Variants in FAM53B observed in about 807,000 individuals in gnomAD.
FAM53B encodes the protein family with sequence similarity 53 member B, also known as protein FAM53B.
Under a neutral mutation model 32.7 loss-of-function variants are expected in FAM53B, and 12 were observed. The ratio of observed to expected loss-of-function variants is 0.37; its 90% confidence interval spans 0.24 to 0.59. The LOEUF (loss-of-function observed/expected upper bound fraction) is 0.59, where lower values mean the gene tolerates loss of function less well. FAM53B is among the 20% of genes least tolerant of loss of function. FAM53B has a pLI of 0.72. For missense variants in FAM53B, 477 were observed against 577.7 expected, an observed-to-expected ratio of 0.83 and a Z score of 1.79; for synonymous variants, 234 against 228.7, an observed-to-expected ratio of 1.02 and a Z score of -0.21.
intron 3 of FAM53B, among the ~76,000 whole-genome samples, chr10:124,690,252 C>T (rs1176908735): frequency 6.6e-6 from 1 of 152,242 alleles, no homozygotes; most frequent in Non-Finnish European, 1.5e-5. Flanking sequence ...CATGAATGTG[C>T]ATCCCAAGCA....
intron 2 of FAM53B, among the ~76,000 whole-genome samples, chr10:124,702,228 C>A (rs1202365381): frequency 6.6e-6 from 1 of 152,236 alleles, no homozygotes; most frequent in Non-Finnish European, 1.5e-5. Flanking sequence ...AAATCTTAAA[C>A]CTCCACTTGT....
chr10:124,623,519 C>T lies in FAM53B; in HGVS notation c.992G>A (p.Ser331Asn). Residue 331 changes from serine to asparagine, a missense_variant, in exon 5 of 5, where the codon AGC becomes AAC. Physicochemically the swap from Ser to Asn is conservative, Grantham distance 46. Coordinates refer to ENST00000337318, the MANE Select transcript of FAM53B (RefSeq NM_014661.4). ...GPQSPFARHV[S>N]NTRAWTALLS... ...CAGGGCGGTCCAGGCCCTGGTGTTG[C>T]TGACGTGGCGGGCGAAGGGGCTCTG... The T allele has an allele frequency of 6.3e-7, 1 of 1,595,156 alleles. No homozygotes were observed.
intron 4 of FAM53B, among the ~76,000 whole-genome samples, chr10:124,659,245 G>A (rs909134383): frequency 2.6e-5 from 4 of 152,342 alleles, no homozygotes; most frequent in Admixed American, 6.5e-5. Flanking sequence ...TTTCAGCCAT[G>A]ATAGGCCTAA....
At chr10:124,695,263 C>T (rs769588164) in intron 3 of FAM53B, among the ~76,000 whole-genome samples, 3 of 152,184 alleles carry the variant, frequency 2.0e-5, no homozygotes, top group African/African-American at 4.8e-5. Flanking sequence ...TCCGGCAAGA[C>T]GTCCCCAAAG....
At chr10:124,688,724 T>G (rs1949816462) in intron 3 of FAM53B, among the ~76,000 whole-genome samples, 1 of 152,208 alleles carries the variant, frequency 6.6e-6, no homozygotes, top group African/African-American at 2.4e-5. Flanking sequence ...AAGACTGCTG[T>G]GTGCACAGAT....
intron 4 of FAM53B, among the ~76,000 whole-genome samples, chr10:124,662,892 G>T (rs1949643739): frequency 6.6e-6 from 1 of 152,156 alleles, no homozygotes; most frequent in Non-Finnish European, 1.5e-5. Flanking sequence ...AACCAGACAG[G>T]TACAGGCCCT....
intron 4 of FAM53B, among the ~76,000 whole-genome samples, chr10:124,634,430 C>T (rs1257325246): frequency 1.3e-5 from 2 of 152,178 alleles, no homozygotes; most frequent in Admixed American, 6.5e-5. Flanking sequence ...CCCCACGTTT[C>T]GTGGGAGGGA....
intron 4 of FAM53B, chr10:124,667,102 A>T: frequency 2.4e-6 from 1 of 411,294 alleles, no homozygotes; most frequent in Non-Finnish European, 4.4e-6. Flanking sequence ...TCACTGAATG[A>T]TGGAGCAGTG....
chr10:124,727,137 G>A (rs774762287), intron 1 of FAM53B, among the ~76,000 whole-genome samples: 2 of 152,104 alleles, frequency 1.3e-5, no homozygotes, highest in African/African-American at 2.4e-5. Context: ...TCCCGTCTCA[G>A]CCTCCCAGTT....
In FAM53B at chr10:124,682,140, T is replaced by A; in HGVS notation, c.373A>T (p.Ser125Cys). 1 of 1,613,692 alleles carries A rather than the reference T, an allele frequency of 6.2e-7. No homozygotes were observed. Among genetic ancestry groups the A allele is most frequent in the Non-Finnish European group, 8.5e-7 (1 of 1,179,874 alleles). ...AAGGGCCTCCATGATGTCCGGCAAC[T>A]GGACATCTCATCGGAGAAGGACAGT... ...RSLSFSDEMS[S>C]CRTSWRPLGS... The change falls in exon 4 of 5, where the codon AGT becomes TGT. Residue 125 changes from serine to cysteine, a missense_variant. By Grantham distance (112) the Ser-to-Cys change is moderately radical (BLOSUM62 -1). Around this residue, in one of 2 missense-constraint regions of FAM53B, gnomAD observed 312 missense variants for 420.2 expected, o/e 0.74. Coordinates refer to ENST00000337318, the MANE Select transcript of FAM53B (RefSeq NM_014661.4). This position sits in a 1 kb window ranked among gnomAD's most constrained non-coding sequence, Gnocchi z 5.2.
chr10:124,693,210 G>A (rs528355381), intron 3 of FAM53B, among the ~76,000 whole-genome samples: 2 of 151,982 alleles, frequency 1.3e-5, no homozygotes, highest in Non-Finnish European at 2.9e-5. Context: ...GGTGGCTCAC[G>A]CCTGTAATCC....
intron 4 of FAM53B, among the ~76,000 whole-genome samples, chr10:124,647,385 G>A (rs763351317): frequency 6.6e-6 from 1 of 152,070 alleles, no homozygotes; most frequent in Non-Finnish European, 1.5e-5. Flanking sequence ...CCCAAGCTGC[G>A]ACAATCAGAT....
intron 1 of FAM53B, among the ~76,000 whole-genome samples, chr10:124,725,945 C>G (rs1589765213): frequency 1.3e-5 from 2 of 152,286 alleles, no homozygotes; most frequent in Non-Finnish European, 2.9e-5. Flanking sequence ...CTGGGGGGAA[C>G]ACTGGGGTAC....
intron 1 of FAM53B, among the ~76,000 whole-genome samples, chr10:124,730,340 A>G (rs1950134503): frequency 6.6e-6 from 1 of 152,234 alleles, no homozygotes. Context: ...CAACGGCCCC[A>G]GTGAACCAGG....
chr10:124,694,068 A>C (rs1282335511), intron 3 of FAM53B, among the ~76,000 whole-genome samples: 1 of 152,254 alleles, frequency 6.6e-6, no homozygotes, highest in Admixed American at 6.5e-5. Context: ...GAGAGAGAGC[A>C]GCAGAGGAGA....
At chr10:124,743,232 T>C (rs1950210210) in intron 1 of FAM53B, among the ~76,000 whole-genome samples, 1 of 152,202 alleles carries the variant, frequency 6.6e-6, no homozygotes, top group Non-Finnish European at 1.5e-5. Context: ...TCCTCGTTTC[T>C]TTCGTCTCTG....
At chr10:124,709,098 G>C (rs1949981420) in intron 1 of FAM53B, among the ~76,000 whole-genome samples, 1 of 152,216 alleles carries the variant, frequency 6.6e-6, no homozygotes, top group Non-Finnish European at 1.5e-5. Context: ...CAGTTTCATG[G>C]GGGAGGCTGG....
At chr10:124,740,259 G>A (rs781128103) in intron 1 of FAM53B, among the ~76,000 whole-genome samples, 8 of 152,146 alleles carry the variant, frequency 5.3e-5, no homozygotes, top group Non-Finnish European at 1.0e-4. Flanking sequence ...CGCAATACAC[G>A]AAGCCCAAAT....
At chr10:124,743,464 C>T (rs1159422567) in intron 1 of FAM53B, among the ~76,000 whole-genome samples, 1 of 152,224 alleles carries the variant, frequency 6.6e-6, no homozygotes, top group Non-Finnish European at 1.5e-5. Context: ...CCATCCTGAC[C>T]GCCCCGGACA....
Sources: allele counts gnomAD v4.1 joint callset (sites outside exome capture counted in the v4.1 genomes callset), GRCh38; gene constraint gnomAD v4.1.1; regional missense constraint gnomAD v4.1.1; non-coding constraint Gnocchi (gnomAD v3.1); transcripts MANE v1.5; gene names NCBI Gene and HGNC (gene_info 2026-07-23, HGNC 2026-07-21).